CD8B: variants seen among roughly 807,000 people sequenced by gnomAD.
CD8B encodes CD8 subunit beta, also known as T-cell surface glycoprotein CD8 beta chain.
In CD8B, 6 loss-of-function variants were observed where a neutral mutation model predicts 24.2. That is an observed-to-expected ratio of 0.25 (90% CI 0.14 to 0.49). The LOEUF (loss-of-function observed/expected upper bound fraction) is 0.49, where lower values mean the gene tolerates loss of function less well. CD8B is among the 20% of genes least tolerant of loss of function. CD8B has a pLI of 0.98. For missense variants in CD8B, 196 were observed against 271.3 expected (o/e 0.72, Z 1.95); for synonymous variants, 84 against 108.3 (o/e 0.78, Z 1.39).
intron 5 of CD8B, among the ~76,000 whole-genome samples, chr2:86,822,924 C>CT (rs1674535082): frequency 6.6e-6 from 1 of 152,134 alleles, no homozygotes; most frequent in African/African-American, 2.4e-5. Context: ...TTATATCTTT[C>CT]TCTACAACCA....
chr2:86,841,830 T>G lies in CD8B; in HGVS notation c.*477A>C, dbSNP rs1337311065. The G allele has an allele frequency of 1.0e-6, 1 of 985,990 alleles. No homozygotes were observed. Among genetic ancestry groups the G allele is most frequent in the African/African-American group, 1.7e-5 (1 of 57,342 alleles). 61.1% of individuals were successfully genotyped at this position (985,990 alleles called of 1,614,324 possible). A position where few individuals can be genotyped will look rare whatever the true frequency, so the allele number is the denominator to read the frequency against. On this transcript the variant is annotated 3_prime_UTR_variant, in exon 6 of 6. Coordinates refer to ENST00000390655, the MANE Select transcript of CD8B (RefSeq NM_004931.5). ...GACAGCCCCTCTCAGCAAGCCTCATTCCCAACCTGCACCTGGCCTCTCTGC... is the reference window on the plus strand; with the variant it reads ...GACAGCCCCTCTCAGCAAGCCTCATGCCCAACCTGCACCTGGCCTCTCTGC...
chr2:86,851,385 C>T lies in CD8B; in HGVS notation c.493+1612G>A, dbSNP rs540829421. Among the ~76,000 whole-genome samples the T allele has an allele frequency of 2.1e-3, 327 of 152,268 alleles. 4 individuals are homozygous for T. The highest frequency in any genetic ancestry group is 3.5e-3 in the Non-Finnish European group (241 of 68,034). On this transcript the variant is annotated intron_variant, in intron 3 of 5. Transcript: ENST00000390655. Reference sequence around the variant, plus strand: ...AGCCGTAGCACACAACCGGTTCTTGCGCCCTCATCTTAGTGGCTCTATTGT... The same window carrying T: ...AGCCGTAGCACACAACCGGTTCTTGTGCCCTCATCTTAGTGGCTCTATTGT...
rs370737681 is a variant in CD8B at position 86,844,704 on chromosome 2, A to G, written c.620+218T>C. 16 of 1,483,466 alleles carry G rather than the reference A, an allele frequency of 1.1e-5. No homozygotes were observed. The Middle Eastern group carries it at 1.2e-3, about 112-fold the overall frequency. The allele number at this position is 1,483,466 out of a possible 1,614,324, so 91.9% of individuals were successfully genotyped here. Reference sequence around the variant, plus strand: ...GTTGCCCAGGCTGGAGTGCAGTGGTACCATCATAGCTCACTGCAGCCTTGA... The same window carrying G: ...GTTGCCCAGGCTGGAGTGCAGTGGTGCCATCATAGCTCACTGCAGCCTTGA... On this transcript the variant is annotated intron_variant, in intron 5 of 5. Transcript: ENST00000390655.
rs897173735 is a variant in CD8B, at chr2:86,839,083, A to G, written c.*3224T>C. Among the ~76,000 whole-genome samples, 11 of 152,088 alleles carry G rather than the reference A, an allele frequency of 7.2e-5. No homozygotes were observed. Among genetic ancestry groups the G allele is most frequent in the African/African-American group, 2.4e-4 (10 of 41,410 alleles). On this transcript the variant is annotated 3_prime_UTR_variant, in exon 6 of 6. Coordinates refer to ENST00000390655, the MANE Select transcript of CD8B (RefSeq NM_004931.5). The stretch of plus-strand genomic sequence containing the variant: ...TGTATCCTAACTTCTAACAACATAT[A>G]TTTGTTTTGCTTGTTTTCTTTTGTG...
chr2:86,825,339 G>C (rs1356563826), intron 5 of CD8B, among the ~76,000 whole-genome samples: 2 of 152,162 alleles, frequency 1.3e-5, no homozygotes, highest in African/African-American at 2.4e-5. Flanking sequence ...TGGGAGTGGA[G>C]GGTGAGGATC....
intron 5 of CD8B, among the ~76,000 whole-genome samples, chr2:86,844,171 G>A (rs1272806476): frequency 6.6e-6 from 1 of 151,890 alleles, no homozygotes; most frequent in African/African-American, 2.4e-5. Flanking sequence ...ACTTGCAAAG[G>A]TGGTGACTAA....
At chr2:86,851,110 G>C (rs1266299330) in intron 3 of CD8B, among the ~76,000 whole-genome samples, 1 of 150,242 alleles carries the variant, frequency 6.7e-6, no homozygotes, top group East Asian at 1.9e-4. Context: ...AAAAAAGAAA[G>C]AAAGAAAAGA....
Position 86,840,497 on chromosome 2 carries a change from C to T in CD8B, c.*1810G>A, listed in dbSNP as rs59574702. Among the ~76,000 whole-genome samples, 2,851 of 152,242 alleles carry T rather than the reference C, an allele frequency of 0.019. 94 individuals are homozygous for T. Among genetic ancestry groups the T allele is most frequent in the African/African-American group, 0.065 (2,697 of 41,540 alleles). The stretch of plus-strand genomic sequence containing the variant: ...GGGCCATCCCTTCATCCGCATAGGG[C>T]GTCAATTCACCTCAGCCTTTCATTA... On this transcript the variant is annotated 3_prime_UTR_variant, in exon 6 of 6. Coordinates refer to ENST00000390655, the MANE Select transcript of CD8B (RefSeq NM_004931.5).
At chr2:86,860,949 C>G (rs1676550445) in intron 1 of CD8B, among the ~76,000 whole-genome samples, 1 of 152,244 alleles carries the variant, frequency 6.6e-6, no homozygotes, top group South Asian at 2.1e-4. Flanking sequence ...GCATGTTCCC[C>G]TCGGTAACCC....
At position 86,858,212 on chromosome 2, in the gene CD8B, T is replaced by C; in HGVS notation, c.248A>G (p.Glu83Gly). 6.2e-7 allele frequency: 1 copy of C among 1,614,034 alleles called. No homozygotes were observed. The highest frequency in any genetic ancestry group is 8.5e-7 in the Non-Finnish European group (1 of 1,179,876). Residue 83 changes from glutamate to glycine, a missense_variant, in exon 2 of 6, where the codon GAA becomes GGA. Glu to Gly is a moderately conservative substitution (Grantham distance 98, BLOSUM62 -2). Coordinates refer to ENST00000390655, the MANE Select transcript of CD8B (RefSeq NM_004931.5). Reference protein sequence around the residue: ...WDSAKGTIHGEEVEQEKIAVF... With the variant: ...WDSAKGTIHGGEVEQEKIAVF... ...AGCTATCTTCTCCTGTTCCACCTCT[T>C]CACCGTGGATAGTCCCTTTTGCGGA...
intron 3 of CD8B, among the ~76,000 whole-genome samples, chr2:86,848,733 T>TTATTTATTTCTTTTG (rs1675820668): frequency 8.9e-6 from 1 of 112,766 alleles, no homozygotes. Flanking sequence ...TATTTATTTT[T>TTATTTATTTCTTTTG]GAGACGGAGT....
At chr2:86,853,481 C>T (rs1296536763) in intron 2 of CD8B, among the ~76,000 whole-genome samples, 1 of 151,958 alleles carries the variant, frequency 6.6e-6, no homozygotes, top group Non-Finnish European at 1.5e-5. Flanking sequence ...ATTTGTCTTA[C>T]ATCCAAGTAC....
chr2:86,861,776 G>C (rs1296080818), intron 1 of CD8B, 47 bp downstream of exon 1: 3 of 1,241,606 alleles, frequency 2.4e-6, no homozygotes, highest in Non-Finnish European at 3.0e-6. Context: ...CCCCGCTCAG[G>C]CCCCGGGAGC....
rs1675487810 is a variant in CD8B at position 86,842,594 on chromosome 2, C to G, written c.621-275G>C. Reference sequence around the variant, plus strand: ...CCTCTAAGATAATCTAAGAGAATCACAAATTTATATCAAGGGGCCAGAAGA... The same window carrying G: ...CCTCTAAGATAATCTAAGAGAATCAGAAATTTATATCAAGGGGCCAGAAGA... On this transcript the variant is annotated intron_variant, in intron 5 of 5. Transcript: ENST00000390655. 2.0e-5 allele frequency among the ~76,000 whole-genome samples: 3 copies of G among 152,112 alleles called. No individual in the cohort carries two copies. In the South Asian group the frequency reaches 6.2e-4, roughly 31 times the overall value.
chr2:86,843,166 C>G (rs1003917541), intron 5 of CD8B, among the ~76,000 whole-genome samples: 4 of 152,154 alleles, frequency 2.6e-5, no homozygotes, highest in Admixed American at 2.6e-4. Flanking sequence ...GATCTCTGCT[C>G]ATTGCAACCT....
chr2:86,833,722 C>T (rs1675049889), downstream of CD8B, among the ~76,000 whole-genome samples: 1 of 143,324 alleles, frequency 7.0e-6, no homozygotes, highest in African/African-American at 2.6e-5. Flanking sequence ...AGTGCAGTGG[C>T]TTGCTGTAAC....
In CD8B at chr2:86,858,070, A is replaced by G; in HGVS notation, c.390T>C (p.Thr130=). ...CCTGCTTCTTACCCACACTCAGCTG[A>G]GTTCCCTTCCCGAAGGTCAGCTCGG... ...GSPELTFGKG[T]QLSVVDFLPT... Residue 130 remains threonine (T), a synonymous_variant, in exon 2 of 6, where the codon ACT becomes ACC. Transcript: ENST00000390655. 6.2e-7 allele frequency: 1 copy of G among 1,613,862 alleles called. No homozygotes were observed. Among genetic ancestry groups the G allele is most frequent in the Non-Finnish European group, 8.5e-7 (1 of 1,179,756 alleles).
At chr2:86,820,270 A>G (rs1674409436) in intron 5 of CD8B, among the ~76,000 whole-genome samples, 1 of 152,250 alleles carries the variant, frequency 6.6e-6, no homozygotes, top group Non-Finnish European at 1.5e-5. Context: ...GTTCTACTGT[A>G]GGTAAAATGC....
chr2:86,859,318 A>G (rs1439893367), intron 1 of CD8B, among the ~76,000 whole-genome samples: 2 of 151,950 alleles, frequency 1.3e-5, no homozygotes, highest in Non-Finnish European at 2.9e-5. Flanking sequence ...CTCTGACGAG[A>G]AGCACCCGGC....
Sources: gnomAD v4.1 joint callset for allele counts (sites outside exome capture counted in the v4.1 genomes callset) on GRCh38, gnomAD v4.1.1 for gene constraint, MANE v1.5 for transcripts, NCBI Gene and HGNC (gene_info 2026-07-23, HGNC 2026-07-21) for gene names.